The following KRT19 variants were observed in gnomAD, a reference collection of about 807,000 sequenced individuals.
KRT19 encodes keratin, type I cytoskeletal 19.
KRT19 carries 21 observed loss-of-function variants against 34.6 expected under a neutral mutation model. That is an observed-to-expected ratio of 0.61 (90% CI 0.43 to 0.87). The LOEUF (loss-of-function observed/expected upper bound fraction) is 0.87. KRT19 is among the 40% of genes least tolerant of loss of function. KRT19 has a pLI of 0.00. For missense variants in KRT19, 514 were observed against 545.7 expected (o/e 0.94, Z 0.58); for synonymous variants, 240 against 245.8 (o/e 0.98, Z 0.22).
chr17:41,524,220 T>C lies in KRT19; in HGVS notation c.871A>G (p.Met291Val), dbSNP rs1201748034. 6.2e-7 allele frequency: 1 copy of C among 1,614,116 alleles called. No individual in the cohort carries two copies. Among genetic ancestry groups the C allele is most frequent in the African/African-American group, 1.3e-5 (1 of 75,042 alleles). ...AGGTCAGTAACCTCGGACCTGCTCATCTGGAGCTGCTCCGTGTGGCCAGCG... is the reference window on the plus strand; with the variant it reads ...AGGTCAGTAACCTCGGACCTGCTCACCTGGAGCTGCTCCGTGTGGCCAGCG... ...EVAGHTEQLQ[M>V]SRSEVTDLRR... Residue 291 changes from methionine (M) to valine (V), a missense_variant, in exon 5 of 6, where the codon ATG (methionine) becomes GTG (valine). Transcript: ENST00000361566.
In KRT19 at chr17:41,527,996, C is replaced by T; in HGVS notation, c.252G>A (p.Met84Ile). Reference sequence around the variant, plus strand: ...AGGCCAGGCGGTCGTTGAGGTTCTGCATGGTTAGCTTCTCGTTGCCCGCCA... The same window carrying T: ...AGGCCAGGCGGTCGTTGAGGTTCTGTATGGTTAGCTTCTCGTTGCCCGCCA... ...GLLAGNEKLT[M>I]QNLNDRLASY... Residue 84 changes from methionine to isoleucine, a missense_variant, in exon 1 of 6, where the codon ATG becomes ATA. Coordinates refer to ENST00000361566, the MANE Select transcript of KRT19 (RefSeq NM_002276.5). 3.1e-6 allele frequency: 5 copies of T among 1,613,434 alleles called. No individual in the cohort carries two copies. Among genetic ancestry groups the T allele is most frequent in the Non-Finnish European group, 3.4e-6 (4 of 1,179,806 alleles).
rs200465465 is a variant in KRT19 at position 41,528,150 on chromosome 17, G to T, written c.98C>A (p.Ala33Glu). The change falls in exon 1 of 6, where the codon GCG becomes GAG. Residue 33 changes from alanine to glutamate, a missense_variant. By Grantham distance (107) the Ala-to-Glu change is moderately radical (BLOSUM62 -1). Coordinates refer to ENST00000361566, the MANE Select transcript of KRT19 (RefSeq NM_002276.5). ...VRFGPGVAFR[A>E]PSIHGGSGGR... is the part of the protein sequence containing the mutation. Reference sequence around the variant, plus strand: ...GCCGGAGCCCCCGTGAATGCTGGGCGCGCGAAAGGCGACCCCCGGCCCAAA... The same window carrying T: ...GCCGGAGCCCCCGTGAATGCTGGGCTCGCGAAAGGCGACCCCCGGCCCAAA... 1,262 of 1,598,604 alleles carry T rather than the reference G, an allele frequency of 7.9e-4. 1 individual carries two copies. The highest frequency in any genetic ancestry group is 1.0e-3 in the Non-Finnish European group (1,201 of 1,176,062).
At chr17:41,524,805 T>G (rs1415812354) in intron 3 of KRT19, 38 bp downstream of exon 3, 2 of 1,609,860 alleles carry the variant, frequency 1.2e-6, no homozygotes, top group South Asian at 1.1e-5. Flanking sequence ...CCTGGGAGGT[T>G]AGGGAAGGAT....
chr17:41,524,758 C>T (rs1006017334), intron 3 of KRT19, 85 bp downstream of exon 3: 43 of 1,501,064 alleles, frequency 2.9e-5, no homozygotes, highest in Non-Finnish European at 3.9e-5. Flanking sequence ...CCAAGTGTTA[C>T]CACGGTCAGA....
chr17:41,523,966 G>A lies in KRT19; in HGVS notation c.980C>T (p.Thr327Met), dbSNP rs149987744. ...CAGCTGGGCTCCAAAGCGCGCCTCC[G>A]TTTCTGCCAGTGTGTCTTCCAAGGC... ...KAALEDTLAE[T>M]EARFGAQLAH... The change falls in exon 6 of 6, where the codon ACG becomes ATG. Residue 327 changes from threonine to methionine, a missense_variant. Transcript: ENST00000361566. The A allele has an allele frequency of 1.3e-3, 2,060 of 1,612,728 alleles. 5 individuals carry two copies. Among genetic ancestry groups the A allele is most frequent in the South Asian group, 2.1e-3 (190 of 91,082 alleles).
At chr17:41,527,122 G>T (rs568820457) in intron 1 of KRT19, among the ~76,000 whole-genome samples, 1 of 149,564 alleles carries the variant, frequency 6.7e-6, no homozygotes, top group South Asian at 2.1e-4. Flanking sequence ...TACCCCTCAG[G>T]CCCCTTAGGG....
intron 3 of KRT19, 130 bp downstream of exon 3, chr17:41,524,713 C>A: frequency 8.0e-7 from 1 of 1,242,820 alleles, no homozygotes; most frequent in Non-Finnish European, 1.2e-6. Flanking sequence ...CCCTGGGATC[C>A]ATGATCCCAC....
Position 41,527,883 on chromosome 17 carries a change from C to A in KRT19, c.365G>T (p.Gly122Val), listed in dbSNP as rs144717840. 9 of 1,613,410 alleles carry A rather than the reference C, an allele frequency of 5.6e-6. No homozygotes were observed. The African/African-American group carries it at 1.1e-4, about 19-fold the overall frequency. Residue 122 changes from glycine (G) to valine (V), a missense_variant, in exon 1 of 6, where the codon GGG becomes GTG. Physicochemically the swap from Gly to Val is moderately radical, Grantham distance 109. Coordinates refer to ENST00000361566, the MANE Select transcript of KRT19 (RefSeq NM_002276.5). Reference protein sequence around the residue: ...IRDWYQKQGPGPSRDYSHYYT... With the variant: ...IRDWYQKQGPVPSRDYSHYYT... Reference sequence around the variant, plus strand: ...GTAGTGGCTGTAGTCGCGGGAGGGCCCAGGCCCCTGCTTCTGGTACCAGTC... The same window carrying A: ...GTAGTGGCTGTAGTCGCGGGAGGGCACAGGCCCCTGCTTCTGGTACCAGTC...
Position 41,523,803 on chromosome 17 carries a change from G to A in KRT19, c.1143C>T (p.Arg381=). 6.2e-7 allele frequency: 1 copy of A among 1,613,898 alleles called. No individual in the cohort carries two copies. The highest frequency in any genetic ancestry group is 8.5e-7 in the Non-Finnish European group (1 of 1,179,942). The change falls in exon 6 of 6, where the codon CGC becomes CGT. Residue 381 remains arginine, a synonymous_variant. Coordinates refer to ENST00000361566, the MANE Select transcript of KRT19 (RefSeq NM_002276.5). ...GATCTTCCTGTCCCTCGAGCAGGCT[G>A]CGGTAGGTGGCAATCTCCTGCTCCA... ...SRLEQEIATY[R]SLLEGQEDHY... is the part of the protein sequence containing the mutation.
At position 41,524,186 on chromosome 17, in the gene KRT19, G is replaced by C. The variant is rs369447412; in HGVS notation, c.905C>G (p.Thr302Ser). 131 of 1,614,014 alleles carry C rather than the reference G, an allele frequency of 8.1e-5. No individual in the cohort carries two copies. The highest frequency in any genetic ancestry group is 1.0e-4 in the Non-Finnish European group (118 of 1,180,034). The change falls in exon 5 of 6, where the codon ACC (threonine) becomes AGC (serine). Residue 302 changes from threonine (T) to serine (S), a missense_variant. By Grantham distance (58) the Thr-to-Ser change is moderately conservative (BLOSUM62 1). Coordinates refer to ENST00000361566, the MANE Select transcript of KRT19 (RefSeq NM_002276.5). Reference protein sequence around the residue: ...SRSEVTDLRRTLQGLEIELQS... With the variant: ...SRSEVTDLRRSLQGLEIELQS... ...CAGCTCAATCTCAAGACCCTGAAGG[G>C]TGCGCCGCAGGTCAGTAACCTCGGA...
Position 41,524,078 on chromosome 17 carries a change from C to T in KRT19, c.948+65G>A. On this transcript the variant is annotated intron_variant, in intron 5 of 5. Transcript: ENST00000361566. ...ATGGGCACAGCCACCGGCCAGGCTG[C>T]CCTAGGCTGCAAGGGTATAAGTGTG... The T allele has an allele frequency of 1.9e-6, 3 of 1,600,146 alleles. No individual in the cohort carries two copies. The South Asian group carries it at 3.3e-5, about 18-fold the overall frequency.
At position 41,524,193 on chromosome 17, in the gene KRT19, G is replaced by A. The variant is rs147927433; in HGVS notation, c.898C>T (p.Arg300Trp). 100 of 1,613,968 alleles carry A rather than the reference G, an allele frequency of 6.2e-5. No homozygotes were observed. The highest frequency in any genetic ancestry group is 1.0e-4 in the Admixed American group (6 of 59,996). Residue 300 changes from arginine to tryptophan, a missense_variant, in exon 5 of 6, where the codon CGG becomes TGG. Transcript: ENST00000361566. Reference sequence around the variant, plus strand: ...ATCTCAAGACCCTGAAGGGTGCGCCGCAGGTCAGTAACCTCGGACCTGCTC... The same window carrying A: ...ATCTCAAGACCCTGAAGGGTGCGCCACAGGTCAGTAACCTCGGACCTGCTC... The part of the protein sequence containing the change: ...QMSRSEVTDL[R>W]RTLQGLEIEL...
Position 41,525,421 on chromosome 17 carries a change from G to A in KRT19, c.421-148C>T, listed in dbSNP as rs61320338. The A allele has an allele frequency of 6.1e-3, 4,139 of 677,218 alleles. 98 individuals carry two copies. Among genetic ancestry groups the A allele is most frequent in the African/African-American group, 0.06 (3,405 of 56,706 alleles). The allele number at this position is 677,218 out of a possible 1,614,324, so 42.0% of individuals were successfully genotyped here. ...GCCAGCATCTGCCGCCCATTGGCCC[G>A]CTCTCTGGGAGGCCTTGCAAACAGT... On this transcript the variant is annotated intron_variant, in intron 1 of 5. Transcript: ENST00000361566.
chr17:41,524,349 C>T lies in KRT19; in HGVS notation c.822+30G>A, dbSNP rs1363651802. On this transcript the variant is annotated intron_variant, in intron 4 of 5. Coordinates refer to ENST00000361566, the MANE Select transcript of KRT19 (RefSeq NM_002276.5). ...ACACAAAGCCCTCCCCTTCCTAACC[C>T]CCAAAGGGTGCCTGCTTCCCTCTAC... is the stretch of plus-strand genomic sequence containing the variant. The T allele has an allele frequency of 1.2e-6, 2 of 1,613,650 alleles. No homozygotes were observed. The highest frequency in any genetic ancestry group is 2.7e-5 in the African/African-American group (2 of 75,022).
intron 5 of KRT19, 52 bp from the exon 6 acceptor site, chr17:41,524,049 G>A (rs547100434): frequency 1.2e-6 from 2 of 1,600,200 alleles, no homozygotes; most frequent in African/African-American, 1.3e-5. Flanking sequence ...TTCCCGGAGA[G>A]GGCATGGGCA....
chr17:41,526,911 T>A (rs1213282380), intron 1 of KRT19, among the ~76,000 whole-genome samples: 1 of 152,150 alleles, frequency 6.6e-6, no homozygotes, highest in African/African-American at 2.4e-5. Flanking sequence ...AAAGCACTGT[T>A]TTTGTTGGCT....
intron 1 of KRT19, among the ~76,000 whole-genome samples, chr17:41,527,147 C>T (rs908164842): frequency 4.6e-5 from 3 of 64,574 alleles, no homozygotes; most frequent in African/African-American, 4.0e-5. Context: ...CCTGTAAGAG[C>T]GTGTGACGCA....
At chr17:41,526,746 A>G (rs1168280997) in intron 1 of KRT19, among the ~76,000 whole-genome samples, 1 of 151,526 alleles carries the variant, frequency 6.6e-6, no homozygotes, top group Non-Finnish European at 1.5e-5. Flanking sequence ...TAATTTTTGT[A>G]TTTTTAGTAG....
In KRT19 at chr17:41,523,733, G is replaced by A; in HGVS notation, c.*10C>T. 1.2e-6 allele frequency: 2 copies of A among 1,613,020 alleles called. No homozygotes were observed. The highest frequency in any genetic ancestry group is 2.2e-5 in the East Asian group (1 of 44,858). ...TCCAAAGGACAGCAGAAGCCCCAGA[G>A]CCTGCTGCCTCAGAGGACCTTGGAG... On this transcript the variant is annotated 3_prime_UTR_variant, in exon 6 of 6. Transcript: ENST00000361566.
Sources: allele counts gnomAD v4.1 joint callset (sites outside exome capture counted in the v4.1 genomes callset), GRCh38; gene constraint gnomAD v4.1.1; transcripts MANE v1.5; gene names NCBI Gene and HGNC (gene_info 2026-07-23, HGNC 2026-07-21).